Variants in RBFOX1 observed in about 807,000 individuals in gnomAD.
The protein encoded by RBFOX1 is RNA binding fox-1 homolog 1.
In RBFOX1, 8 loss-of-function variants were observed where a neutral mutation model predicts 57.7. The observed-to-expected ratio is 0.14, with a 90% CI of 0.08 to 0.25. The LOEUF is 0.25. Among genes scored for constraint, RBFOX1 ranks in the 10% least tolerant of loss-of-function variants. The probability of loss-of-function intolerance (pLI) is 1.00; values close to 1 mark genes in which losing one functional copy is unlikely to be tolerated. For synonymous variants in RBFOX1, 326 were observed against 222.4 expected, an observed-to-expected ratio of 1.47 and a Z score of -4.15; for missense variants, 611 against 548.5, an observed-to-expected ratio of 1.11 and a Z score of -1.14.
intron 9 of RBFOX1, among the ~76,000 whole-genome samples, chr16:7,597,794 C>T (rs1357892070): frequency 6.6e-6 from 1 of 152,214 alleles, no homozygotes; most frequent in Non-Finnish European, 1.5e-5. Flanking sequence ...TCGTTGATTA[C>T]TAATCATTCC....
intron 4 of RBFOX1, among the ~76,000 whole-genome samples, chr16:5,870,466 C>A (rs1253055047): frequency 2.0e-5 from 3 of 150,068 alleles, no homozygotes; most frequent in Non-Finnish European, 4.4e-5. Context: ...GGGGAATGGT[C>A]AGATGGTCAT....
At chr16:5,921,418 G>A (rs1392836464) in intron 4 of RBFOX1, among the ~76,000 whole-genome samples, 1 of 152,206 alleles carries the variant, frequency 6.6e-6, no homozygotes, top group Non-Finnish European at 1.5e-5. Context: ...TACCTGGGAT[G>A]TGTGGGGGGA....
intron 3 of RBFOX1, among the ~76,000 whole-genome samples, chr16:6,819,601 A>C (rs1011006081): frequency 6.8e-6 from 1 of 147,280 alleles, no homozygotes; most frequent in South Asian, 2.3e-4. Context: ...GCTACTCGGG[A>C]GGCTGAGGCA....
At chr16:7,369,092 A>G (rs568440340) in intron 4 of RBFOX1, among the ~76,000 whole-genome samples, 2 of 152,240 alleles carry the variant, frequency 1.3e-5, no homozygotes, top group South Asian at 2.1e-4. Context: ...AATACAGAAA[A>G]GAAGGAAGAA....
intron 3 of RBFOX1, among the ~76,000 whole-genome samples, chr16:5,705,164 C>A (rs766256992): frequency 6.6e-6 from 1 of 152,152 alleles, no homozygotes; most frequent in Non-Finnish European, 1.5e-5. Flanking sequence ...TGATCTTTGT[C>A]CTTGAAGGCT....
intron 14 of RBFOX1, among the ~76,000 whole-genome samples, chr16:7,699,727 A>C (rs946400718): frequency 6.6e-6 from 1 of 151,946 alleles, no homozygotes; most frequent in Admixed American, 6.5e-5. Context: ...AATAAAAATG[A>C]GTTCACCTTT....
At chr16:5,863,479 G>T (rs754593537) in intron 3 of RBFOX1, among the ~76,000 whole-genome samples, 9 of 152,198 alleles carry the variant, frequency 5.9e-5, no homozygotes, top group Non-Finnish European at 8.8e-5. Flanking sequence ...CCTCCAGCAG[G>T]CCTCTGCGGT....
In RBFOX1 at chr16:7,332,873, T is replaced by C; in HGVS notation, c.28-185274T>C. 4.6e-6 allele frequency: 7 copies of C among 1,536,982 alleles called. No homozygotes were observed. The South Asian group carries it at 7.6e-5, about 17-fold the overall frequency. On this transcript the variant is annotated intron_variant, in intron 4 of 15. Coordinates refer to ENST00000550418, the MANE Select transcript of RBFOX1 (RefSeq NM_018723.4). ...TCTTTCCTCTCCCGGCGTTGATGAG[T>C]GCTTGGCTCCTGACAGAAGGGATTT...
intron 1 of RBFOX1, among the ~76,000 whole-genome samples, chr16:6,300,297 C>G (rs1040267326): frequency 1.3e-5 from 2 of 152,128 alleles, no homozygotes; most frequent in Non-Finnish European, 2.9e-5. Context: ...AATGTATATA[C>G]TTGAATATCA....
chr16:6,967,983 G>T (rs929113582), intron 3 of RBFOX1, among the ~76,000 whole-genome samples: 1 of 152,188 alleles, frequency 6.6e-6, no homozygotes, highest in Non-Finnish European at 1.5e-5. Context: ...TGGCAGTTCT[G>T]CTGATGACAG....
At chr16:7,556,653 G>A (rs924114602) in intron 5 of RBFOX1, among the ~76,000 whole-genome samples, 8 of 152,078 alleles carry the variant, frequency 5.3e-5, no homozygotes, top group Non-Finnish European at 1.0e-4. Flanking sequence ...TCAGTTCTAA[G>A]ACCTTAGTTC....
chr16:6,771,309 G>C (rs1379493339), intron 3 of RBFOX1, among the ~76,000 whole-genome samples: 1 of 152,110 alleles, frequency 6.6e-6, no homozygotes, highest in African/African-American at 2.4e-5. Flanking sequence ...CGGCAGCCCT[G>C]GCAAGCTGAC....
At chr16:7,137,369 G>A (rs924594247) in intron 4 of RBFOX1, among the ~76,000 whole-genome samples, 2 of 152,134 alleles carry the variant, frequency 1.3e-5, no homozygotes, top group Non-Finnish European at 2.9e-5. Flanking sequence ...GGAGATAATC[G>A]AATTGTGGGG....
intron 3 of RBFOX1, among the ~76,000 whole-genome samples, chr16:5,866,539 T>C: frequency 6.6e-6 from 1 of 152,214 alleles, no homozygotes; most frequent in East Asian, 1.9e-4. Context: ...ATCTGATCTC[T>C]AGATAGGAGA....
At chr16:6,846,341 A>G (rs8048930) in intron 3 of RBFOX1, among the ~76,000 whole-genome samples, 49,014 of 152,018 alleles carry the variant, frequency 0.32, 8,365 homozygotes, top group Admixed American at 0.43. Context: ...ACACATCAAG[A>G]CTCACTTAAC....
chr16:5,729,668 C>T (rs745441324), intron 3 of RBFOX1, among the ~76,000 whole-genome samples: 1 of 152,120 alleles, frequency 6.6e-6, no homozygotes, highest in Non-Finnish European at 1.5e-5. Flanking sequence ...AAACTGGCCA[C>T]AAACTCCACT....
intron 2 of RBFOX1, among the ~76,000 whole-genome samples, chr16:5,524,239 G>A (rs1349883298): frequency 6.6e-6 from 1 of 152,232 alleles, no homozygotes; most frequent in Non-Finnish European, 1.5e-5. Context: ...GCAAACCAGA[G>A]TAACTCAGGA....
At chr16:7,194,837 A>G (rs1015066313) in intron 4 of RBFOX1, among the ~76,000 whole-genome samples, 3 of 150,290 alleles carry the variant, frequency 2.0e-5, no homozygotes, top group Admixed American at 6.7e-5. Flanking sequence ...CTGAGGTGGG[A>G]GGATTGCTTA....
At chr16:7,535,376 C>T (rs919418668) in intron 5 of RBFOX1, among the ~76,000 whole-genome samples, 2 of 152,138 alleles carry the variant, frequency 1.3e-5, no homozygotes, top group African/African-American at 4.8e-5. Context: ...TTATTCACAG[C>T]GAGGATGTTG....
Sources: allele counts gnomAD v4.1 joint callset (sites outside exome capture counted in the v4.1 genomes callset), GRCh38; gene constraint gnomAD v4.1.1; transcripts MANE v1.5; gene names NCBI Gene and HGNC (gene_info 2026-07-23, HGNC 2026-07-21).